The following RNF126 variants were observed in gnomAD, a reference collection of about 807,000 sequenced individuals.
The protein encoded by RNF126 is E3 ubiquitin-protein ligase RNF126.
Under a neutral mutation model 41.9 loss-of-function variants are expected in RNF126, and 20 were observed. The ratio of observed to expected loss-of-function variants is 0.48; its 90% CI spans 0.34 to 0.69. RNF126 has a LOEUF of 0.69. Ranked by LOEUF, RNF126 falls within the 30% of genes least tolerant of loss-of-function variation. The pLI is 0.01. For synonymous variants in RNF126, 239 were observed against 202.9 expected (o/e 1.18, Z -1.51); for missense variants, 433 against 460.6 (o/e 0.94, Z 0.55).
At chr19:648,311 G>A (rs745588633) in intron 8 of RNF126, 34 bp from the exon 9 acceptor site, 5 of 1,542,484 alleles carry the variant, frequency 3.2e-6, no homozygotes, top group African/African-American at 2.8e-5. Flanking sequence ...CGGGAGAAGG[G>A]GCAGGTTAGA....
chr19:650,337 C>T lies in RNF126; in HGVS notation c.444-41G>A, dbSNP rs370772673. 5.2e-5 allele frequency: 81 copies of T among 1,550,486 alleles called. 1 individual carries two copies. The highest frequency in any genetic ancestry group is 6.0e-5 in the Non-Finnish European group (69 of 1,143,952). On this transcript the variant is annotated intron_variant, in intron 4 of 8. Transcript: ENST00000292363. The stretch of plus-strand genomic sequence containing the variant: ...CCAGTCACGGGGTGAGGCCGCCCCA[C>T]GCACAGGAGAGGCGCCAGGCCTGCC...
At chr19:654,385 G>C (rs548400532) in intron 1 of RNF126, among the ~76,000 whole-genome samples, 5 of 152,364 alleles carry the variant, frequency 3.3e-5, no homozygotes, top group Admixed American at 2.0e-4. Flanking sequence ...GCTCAGGCCT[G>C]TAATCCTGGC....
Position 648,176 on chromosome 19 carries a change from C to T in RNF126, c.888G>A (p.Ser296=), listed in dbSNP as rs200508004. 289 of 1,605,880 alleles carry T rather than the reference C, an allele frequency of 1.8e-4. No homozygotes were observed. The highest frequency in any genetic ancestry group is 1.3e-3 in the South Asian group (114 of 90,190). ...TGVSFSSSSS[S]SSSSSPSNEN... is the part of the protein sequence containing the mutation. ...CGTTGCTGGGCGAGCTGGAGGAGGA[C>T]GATGACGACGAGGAGGAGAAGCTCA... The change falls in exon 9 of 9, where the codon TCG becomes TCA. Residue 296 remains serine (S), a synonymous_variant. Coordinates refer to ENST00000292363, the MANE Select transcript of RNF126 (RefSeq NM_194460.3).
rs116125090 is a variant in RNF126 at position 647,665 on chromosome 19, G to A, written c.*463C>T. 1,694 of 200,638 alleles carry A rather than the reference G, an allele frequency of 8.4e-3. 36 individuals are homozygous for A. The highest frequency in any genetic ancestry group is 0.038 in the African/African-American group (1,592 of 41,832). 12.4% of individuals were successfully genotyped at this position (200,638 alleles called of 1,614,324 possible). A position where few individuals can be genotyped will look rare whatever the true frequency, so the allele number is the denominator to read the frequency against. Reference sequence around the variant, plus strand: ...CCGAGCCCCCCTACTCCGGGTCGTGGAGGCGGCCGAGGGGGAGGCTGGGGG... The same window carrying A: ...CCGAGCCCCCCTACTCCGGGTCGTGAAGGCGGCCGAGGGGGAGGCTGGGGG... On this transcript the variant is annotated 3_prime_UTR_variant, in exon 9 of 9. Transcript: ENST00000292363.
chr19:648,364 G>GGGGGGGGGGGC lies in RNF126; in HGVS notation c.786+7_786+8insGCCCCCCCCCC. 2.0e-6 allele frequency: 1 copy of GGGGGGGGGGGC among 510,490 alleles called. No homozygotes were observed. Among genetic ancestry groups the GGGGGGGGGGGC allele is most frequent in the Non-Finnish European group, 3.6e-6 (1 of 278,360 alleles). 31.6% of individuals were successfully genotyped at this position (510,490 alleles called of 1,614,324 possible). On this transcript the variant is annotated splice_region_variant and intron_variant, in intron 8 of 8. Transcript: ENST00000292363. ...CGGGGTGGGGGGGCGGGTGGGCGGG[G>GGGGGGGGGGGC]CACTCACCTGCTCCAGCCAGGGCAC...
At chr19:658,302 C>T (rs2030647460) in intron 1 of RNF126, among the ~76,000 whole-genome samples, 1 of 152,212 alleles carries the variant, frequency 6.6e-6, no homozygotes, top group South Asian at 2.1e-4. Flanking sequence ...TCCTGAGGGC[C>T]CAGGGCCAGG....
intron 1 of RNF126, chr19:661,390 C>G (rs935555504): frequency 1.3e-5 from 2 of 152,482 alleles, no homozygotes; most frequent in African/African-American, 4.8e-5. Context: ...CCAGCCTCTC[C>G]TGCCACGGCC....
chr19:651,530 G>T, intron 4 of RNF126, 81 bp downstream of exon 4: 1 of 1,316,888 alleles, frequency 7.6e-7, no homozygotes, highest in Non-Finnish European at 9.7e-7. Context: ...CGTTTCCGTG[G>T]AACCCGTGCT....
Position 663,138 on chromosome 19 carries a change from TCCGCG to T in RNF126, c.-22_-18del. ...CTCGGCCATGGCCGCCGCCACCTACTCCGCGCCGCCCGCCCCCCGCGCGGCACCCG... is the reference window on the plus strand; with the variant it reads ...CTCGGCCATGGCCGCCGCCACCTACTCCGCCCGCCCCCCGCGCGGCACCCG... On this transcript the variant is annotated 5_prime_UTR_variant, in exon 1 of 9. Transcript: ENST00000292363. 1 of 1,191,224 alleles carries T rather than the reference TCCGCG, an allele frequency of 8.4e-7. No individual in the cohort carries two copies. Among genetic ancestry groups the T allele is most frequent in the African/African-American group, 1.6e-5 (1 of 61,614 alleles). 73.8% of individuals were successfully genotyped at this position (1,191,224 alleles called of 1,614,324 possible).
At chr19:654,843 T>G (rs1433687431) in intron 1 of RNF126, among the ~76,000 whole-genome samples, 1 of 151,548 alleles carries the variant, frequency 6.6e-6, no homozygotes, top group Non-Finnish European at 1.5e-5. Flanking sequence ...GGCACGTACC[T>G]GTAATCCCAG....
chr19:656,772 G>A (rs1263721900), intron 1 of RNF126, among the ~76,000 whole-genome samples: 6 of 152,188 alleles, frequency 3.9e-5, no homozygotes, highest in South Asian at 2.1e-4. Flanking sequence ...CCCAGGCGTC[G>A]GTTCTTGGGG....
chr19:660,602 A>G (rs1163423149), intron 1 of RNF126, among the ~76,000 whole-genome samples: 2 of 152,096 alleles, frequency 1.3e-5, no homozygotes, highest in Non-Finnish European at 2.9e-5. Flanking sequence ...CCCTCCCCAG[A>G]ACAAACGCCA....
Position 651,498 on chromosome 19 carries a change from A to G in RNF126, c.443+113T>C, listed in dbSNP as rs906001716. ...GAGGGCCTGGCCGGGCGGCCTCTCCAGAGAGCCTATGGATGATGCCACGTT... is the reference window on the plus strand; with the variant it reads ...GAGGGCCTGGCCGGGCGGCCTCTCCGGAGAGCCTATGGATGATGCCACGTT... On this transcript the variant is annotated intron_variant, in intron 4 of 8. Coordinates refer to ENST00000292363, the MANE Select transcript of RNF126 (RefSeq NM_194460.3). 44 of 1,148,166 alleles carry G rather than the reference A, an allele frequency of 3.8e-5. No homozygotes were observed. The Admixed American group carries it at 1.0e-3, about 27-fold the overall frequency. 71.1% of individuals were successfully genotyped at this position (1,148,166 alleles called of 1,614,324 possible). A position where few individuals can be genotyped will look rare whatever the true frequency, so the allele number is the denominator to read the frequency against.
rs1214550833 is a variant in RNF126 at position 659,724 on chromosome 19, G to C, written c.75+3323C>G. On this transcript the variant is annotated intron_variant, in intron 1 of 8. Coordinates refer to ENST00000292363, the MANE Select transcript of RNF126 (RefSeq NM_194460.3). This position sits in a 1 kb window ranked among gnomAD's most constrained non-coding sequence, Gnocchi z 4.9. Reference sequence around the variant, plus strand: ...CGCCACACGCCCCACTCTGGCTGACGCTCCCTTTGCTGCTCAGACACCCAG... The same window carrying C: ...CGCCACACGCCCCACTCTGGCTGACCCTCCCTTTGCTGCTCAGACACCCAG... Among the ~76,000 whole-genome samples the C allele has an allele frequency of 1.3e-5, 2 of 151,352 alleles. No individual in the cohort carries two copies. Among genetic ancestry groups the C allele is most frequent in the Non-Finnish European group, 2.9e-5 (2 of 67,906 alleles).
At chr19:649,380 G>A (rs1213943552) in intron 6 of RNF126, 5 of 449,512 alleles carry the variant, frequency 1.1e-5, no homozygotes, top group South Asian at 3.2e-5. Context: ...AGGTCAGGGC[G>A]CGACCTCTCG....
chr19:662,962 C>T lies in RNF126; in HGVS notation c.75+85G>A, dbSNP rs936510104. ...GTGGTCAGCTCGCGCAAGAGGCGGG[C>T]GCAAGCGACCCCCACCCCGGCCCCG... On this transcript the variant is annotated intron_variant, in intron 1 of 8. Transcript: ENST00000292363. 1.6e-5 allele frequency: 9 copies of T among 555,974 alleles called. No homozygotes were observed. The East Asian group carries it at 2.5e-4, about 15-fold the overall frequency. The allele number at this position is 555,974 out of a possible 1,614,324, so 34.4% of individuals were successfully genotyped here.
chr19:660,537 G>A lies in RNF126; in HGVS notation c.75+2510C>T, dbSNP rs368239447. Among the ~76,000 whole-genome samples the A allele has an allele frequency of 1.2e-4, 19 of 152,354 alleles. No individual in the cohort carries two copies. In the East Asian group the frequency reaches 3.1e-3, roughly 25 times the overall value. On this transcript the variant is annotated intron_variant, in intron 1 of 8. Coordinates refer to ENST00000292363, the MANE Select transcript of RNF126 (RefSeq NM_194460.3). Reference sequence around the variant, plus strand: ...CCCAGCGGCAGAGACGCCCCGTTTCGAGGGCACTGGTTGTGGCTGGGGACT... The same window carrying A: ...CCCAGCGGCAGAGACGCCCCGTTTCAAGGGCACTGGTTGTGGCTGGGGACT...
At chr19:653,561 G>A (rs1226166712) in intron 1 of RNF126, among the ~76,000 whole-genome samples, 5 of 152,224 alleles carry the variant, frequency 3.3e-5, no homozygotes, top group Non-Finnish European at 5.9e-5. Context: ...GGGATCCCCA[G>A]GGCTGAAGGG....
chr19:648,352 C>CGGGGGGGGGGGGGGGG lies in RNF126; in HGVS notation c.786+19_786+20insCCCCCCCCCCCCCCCC. On this transcript the variant is annotated intron_variant, in intron 8 of 8. Coordinates refer to ENST00000292363, the MANE Select transcript of RNF126 (RefSeq NM_194460.3). ...GAGGGCCGCGGTCGGGGTGGGGGGGCGGGTGGGCGGGGCACTCACCTGCTC... is the reference window on the plus strand; with the variant it reads ...GAGGGCCGCGGTCGGGGTGGGGGGGCGGGGGGGGGGGGGGGGGGGTGGGCGGGGCACTCACCTGCTC... 9.7e-7 allele frequency: 1 copy of CGGGGGGGGGGGGGGGG among 1,026,020 alleles called. No individual in the cohort carries two copies. 63.6% of individuals were successfully genotyped at this position (1,026,020 alleles called of 1,614,324 possible). A position where few individuals can be genotyped will look rare whatever the true frequency, so the allele number is the denominator to read the frequency against.
Sources: allele counts gnomAD v4.1 joint callset (sites outside exome capture counted in the v4.1 genomes callset), GRCh38; gene constraint gnomAD v4.1.1; non-coding constraint Gnocchi (gnomAD v3.1); transcripts MANE v1.5; gene names NCBI Gene and HGNC (gene_info 2026-07-23, HGNC 2026-07-21).